PLCXD3: variants seen among roughly 807,000 people sequenced by gnomAD.
The protein encoded by PLCXD3 is PI-PLC X domain-containing protein 3.
In PLCXD3, 19 loss-of-function variants were observed where a neutral mutation model predicts 25.5. The observed-to-expected ratio is 0.75, with a 90% CI of 0.52 to 1.09. The LOEUF is 1.09. PLCXD3 is among the 50% of genes least tolerant of loss of function. The pLI, the probability that PLCXD3 is intolerant of heterozygous loss-of-function variation, is 0.00. For synonymous variants in PLCXD3, 174 were observed against 137.6 expected, an observed-to-expected ratio of 1.26 and a Z score of -1.85; for missense variants, 411 against 388.1, an observed-to-expected ratio of 1.06 and a Z score of -0.50.
At chr5:41,315,509 C>T (rs1045478795) in intron 2 of PLCXD3, among the ~76,000 whole-genome samples, 1 of 152,036 alleles carries the variant, frequency 6.6e-6, no homozygotes, top group Non-Finnish European at 1.5e-5. Flanking sequence ...GCTCCGCATA[C>T]CCCTGCAAGG....
intron 1 of PLCXD3, among the ~76,000 whole-genome samples, chr5:41,407,200 C>T (rs1355846501): frequency 1.3e-5 from 2 of 152,118 alleles, no homozygotes; most frequent in Non-Finnish European, 2.9e-5. Context: ...AGTACATGGT[C>T]CTCTATGTAA....
intron 1 of PLCXD3, among the ~76,000 whole-genome samples, chr5:41,505,183 GT>G (rs1182449361): frequency 3.9e-5 from 6 of 152,026 alleles, no homozygotes; most frequent in Non-Finnish European, 7.4e-5. Context: ...GAACATTGTG[GT>G]ATCCATTTAA....
intron 2 of PLCXD3, among the ~76,000 whole-genome samples, chr5:41,353,538 T>C (rs1744534549): frequency 6.6e-6 from 1 of 152,246 alleles, no homozygotes; most frequent in Non-Finnish European, 1.5e-5. Context: ...GATATTTTTA[T>C]TCATTCAACA....
chr5:41,507,869 A>T (rs1164372990), intron 1 of PLCXD3, among the ~76,000 whole-genome samples: 16 of 152,240 alleles, frequency 1.1e-4, no homozygotes, highest in Admixed American at 1.0e-3. Flanking sequence ...TTTTAAGGCA[A>T]TTATTCCATT....
chr5:41,451,242 C>CTTT (rs1366287917), intron 1 of PLCXD3, among the ~76,000 whole-genome samples: 3 of 152,012 alleles, frequency 2.0e-5, no homozygotes, highest in Non-Finnish European at 4.4e-5. Context: ...GTAAATTTGT[C>CTTT]TTTTCTTTTT....
At chr5:41,317,340 T>G (rs545730973) in intron 2 of PLCXD3, among the ~76,000 whole-genome samples, 1 of 152,304 alleles carries the variant, frequency 6.6e-6, no homozygotes, top group Non-Finnish European at 1.5e-5. Flanking sequence ...ACAGTTTAGA[T>G]CACAATACCT....
intron 1 of PLCXD3, among the ~76,000 whole-genome samples, chr5:41,409,920 C>T (rs532821975): frequency 8.1e-4 from 123 of 152,278 alleles, no homozygotes; most frequent in African/African-American, 2.9e-3. Context: ...CCATGAATTA[C>T]AATTTCTACA....
intron 2 of PLCXD3, among the ~76,000 whole-genome samples, chr5:41,350,347 T>A (rs1260806297): frequency 6.6e-6 from 1 of 152,198 alleles, no homozygotes; most frequent in Non-Finnish European, 1.5e-5. Context: ...ATACTCTTCA[T>A]CTTCTCTCTG....
chr5:41,466,082 T>C (rs959296010), intron 1 of PLCXD3, among the ~76,000 whole-genome samples: 1 of 152,148 alleles, frequency 6.6e-6, no homozygotes. Flanking sequence ...TATTGCTTTC[T>C]TTTATGCTCT....
rs901608368 is a variant in PLCXD3, at chr5:41,310,831, G to A, written c.*2786C>T. ...CTACATAGGCACTGTATGTCCACATGGAAACCATAGCATTGGCTTGAAACT... is the reference window on the plus strand; with the variant it reads ...CTACATAGGCACTGTATGTCCACATAGAAACCATAGCATTGGCTTGAAACT... On this transcript the variant is annotated 3_prime_UTR_variant, in exon 3 of 3. Coordinates refer to ENST00000377801, the MANE Select transcript of PLCXD3 (RefSeq NM_001005473.3). 3.9e-5 allele frequency: 6 copies of A among 152,600 alleles called. No individual in the cohort carries two copies. The highest frequency in any genetic ancestry group is 1.4e-4 in the African/African-American group (6 of 41,446). The allele number at this position is 152,600 out of a possible 1,614,324, so 9.5% of individuals were successfully genotyped here.
At chr5:41,372,113 G>C (rs926123215) in intron 2 of PLCXD3, among the ~76,000 whole-genome samples, 3 of 151,760 alleles carry the variant, frequency 2.0e-5, no homozygotes, top group Non-Finnish European at 4.4e-5. Context: ...TTTTTTGTGA[G>C]TGCTAGCTAT....
intron 2 of PLCXD3, among the ~76,000 whole-genome samples, chr5:41,348,209 C>T (rs1744355911): frequency 6.6e-6 from 1 of 152,124 alleles, no homozygotes; most frequent in South Asian, 2.1e-4. Flanking sequence ...AAAACAAGGA[C>T]ATCATTGCTT....
intron 2 of PLCXD3, among the ~76,000 whole-genome samples, chr5:41,365,488 A>G (rs1210394445): frequency 6.6e-6 from 1 of 152,148 alleles, no homozygotes; most frequent in Non-Finnish European, 1.5e-5. Flanking sequence ...TTTTATAAAA[A>G]TCTCACACTC....
rs1159611394 is a variant in PLCXD3, at chr5:41,413,622, A to G, written c.104-31088T>C. ...TTGTTTCTAACAGTCAATGTGCTTG[A>G]ATTACAGGAGATATGGGTTAACTGG... On this transcript the variant is annotated intron_variant, in intron 1 of 2. Coordinates refer to ENST00000377801, the MANE Select transcript of PLCXD3 (RefSeq NM_001005473.3). 2.0e-5 allele frequency among the ~76,000 whole-genome samples: 3 copies of G among 152,170 alleles called. No homozygotes were observed. The East Asian group carries it at 5.8e-4, about 29-fold the overall frequency.
intron 1 of PLCXD3, among the ~76,000 whole-genome samples, chr5:41,458,623 G>T (rs978605082): frequency 6.6e-6 from 1 of 151,960 alleles, no homozygotes; most frequent in Non-Finnish European, 1.5e-5. Flanking sequence ...TGAGTGGCCA[G>T]GGCAAAGGGT....
chr5:41,348,000 G>A (rs1366611131), intron 2 of PLCXD3, among the ~76,000 whole-genome samples: 1 of 152,174 alleles, frequency 6.6e-6, no homozygotes, highest in Non-Finnish European at 1.5e-5. Context: ...AGTAAAAATA[G>A]TTCAGTGGAG....
At chr5:41,489,587 G>A (rs1748606642) in intron 1 of PLCXD3, among the ~76,000 whole-genome samples, 1 of 151,116 alleles carries the variant, frequency 6.6e-6, no homozygotes. Flanking sequence ...CCATTTGTTT[G>A]TATCCTCTTT....
intron 1 of PLCXD3, among the ~76,000 whole-genome samples, chr5:41,464,170 A>G (rs1027030015): frequency 3.3e-5 from 5 of 151,976 alleles, no homozygotes; most frequent in African/African-American, 1.2e-4. Context: ...CTGTTCATTT[A>G]CTAGTCTGCT....
chr5:41,358,449 C>T (rs964316425), intron 2 of PLCXD3, among the ~76,000 whole-genome samples: 3 of 152,126 alleles, frequency 2.0e-5, no homozygotes, highest in Non-Finnish European at 2.9e-5. Flanking sequence ...TTATTCCTCA[C>T]CCCCACTCCC....
Sources: gnomAD v4.1 joint callset for allele counts (sites outside exome capture counted in the v4.1 genomes callset) on GRCh38, gnomAD v4.1.1 for gene constraint, MANE v1.5 for transcripts, NCBI Gene and HGNC (gene_info 2026-07-23, HGNC 2026-07-21) for gene names.